The following RANBP2 variants were observed in gnomAD, a reference collection of about 807,000 sequenced individuals.
The protein encoded by RANBP2 is RAN binding protein 2.
RANBP2 carries 57 observed loss-of-function variants against 303.6 expected under a neutral mutation model. The ratio of observed to expected loss-of-function variants is 0.19; its 90% CI spans 0.15 to 0.23. RANBP2 has a LOEUF of 0.23. Among genes scored for constraint, RANBP2 ranks in the 10% least tolerant of loss-of-function variants. RANBP2 has a pLI of 1.00. For synonymous variants in RANBP2, 1,167 were observed against 1,301.5 expected (o/e 0.90, Z 2.23); for missense variants, 3,138 against 3,780.8 (o/e 0.83, Z 4.46).
the RANBP2 span, among the ~76,000 whole-genome samples, chr2:109,126,312 C>T: frequency 6.6e-6 from 1 of 152,330 alleles, no homozygotes; most frequent in East Asian, 1.9e-4. Context: ...GTGGCTCTCT[C>T]TTGCTCTTGT....
chr2:108,791,938 G>A, the RANBP2 span: 1 of 866,946 alleles, frequency 1.2e-6, no homozygotes, highest in Non-Finnish European at 1.7e-6. Context: ...TAAGCTAGGA[G>A]ATAGTTACTG....
intron 23 of RANBP2, among the ~76,000 whole-genome samples, chr2:108,774,851 G>A (rs535293828): frequency 1.8e-4 from 27 of 151,728 alleles, no homozygotes; most frequent in Admixed American, 1.6e-3. Flanking sequence ...GATTATAGGC[G>A]TGGCTAATTT....
the RANBP2 span, among the ~76,000 whole-genome samples, chr2:109,686,180 G>C: frequency 2.1e-3 from 322 of 152,256 alleles, 1 homozygote; most frequent in Middle Eastern, 0.01. Flanking sequence ...GGAGAAAGGT[G>C]GGGAGGGCCC....
At chr2:109,283,862 G>A in the RANBP2 span, among the ~76,000 whole-genome samples, 1 of 152,180 alleles carries the variant, frequency 6.6e-6, no homozygotes, top group South Asian at 2.1e-4. Context: ...GGGGATGCTG[G>A]GGAGTGAGTA....
chr2:108,812,244 A>G, the RANBP2 span, among the ~76,000 whole-genome samples: 2 of 152,148 alleles, frequency 1.3e-5, no homozygotes, highest in African/African-American at 2.4e-5. Context: ...ACACAGACAC[A>G]TATACACATA....
the RANBP2 span, chr2:109,129,663 G>A: frequency 6.6e-7 from 1 of 1,507,796 alleles, no homozygotes; most frequent in African/African-American, 1.4e-5. Context: ...CCGCCGCGGG[G>A]GCGGGCGAGG....
the RANBP2 span, among the ~76,000 whole-genome samples, chr2:108,983,825 G>A: frequency 1.3e-3 from 197 of 152,256 alleles, no homozygotes; most frequent in African/African-American, 4.6e-3. Flanking sequence ...CTCTGAACCC[G>A]TTCTCCAACA....
chr2:109,095,873 G>T, the RANBP2 span, among the ~76,000 whole-genome samples: 54 of 152,296 alleles, frequency 3.5e-4, no homozygotes, highest in East Asian at 7.7e-4. Context: ...ATATTTTTAT[G>T]TAATATTAAA....
intron 9 of RANBP2, among the ~76,000 whole-genome samples, chr2:108,750,934 G>A (rs1009785163): frequency 3.3e-5 from 5 of 152,096 alleles, no homozygotes; most frequent in South Asian, 4.1e-4. Context: ...AAAACCCATC[G>A]TTTTGGGGTT....
the RANBP2 span, among the ~76,000 whole-genome samples, chr2:109,436,289 G>C: frequency 4.6e-5 from 7 of 152,206 alleles, no homozygotes; most frequent in African/African-American, 1.7e-4. Flanking sequence ...AATACACAGA[G>C]GGAAAGCGTG....
rs780491523 is a variant in RANBP2, at chr2:108,767,289, T to C, written c.6750T>C (p.Ser2250=). The C allele has an allele frequency of 1.2e-6, 2 of 1,612,066 alleles. No homozygotes were observed. Among genetic ancestry groups the C allele is most frequent in the Non-Finnish European group, 8.5e-7 (1 of 1,179,870 alleles). ...CAGTACATGCTTCTCCATTGGCAAG[T>C]AGCCCTGTGAGAAAAAATCTTTTCC... The part of the protein sequence containing the change: ...SSSVHASPLA[S]SPVRKNLFRF... The change falls in exon 20 of 29, where the codon AGT becomes AGC. Residue 2250 remains serine (S), a synonymous_variant. Coordinates refer to ENST00000283195, the MANE Select transcript of RANBP2 (RefSeq NM_006267.5).
At chr2:109,495,477 C>CTTTTTTTTTTTTTTTTT in the RANBP2 span, among the ~76,000 whole-genome samples, 4 of 94,240 alleles carry the variant, frequency 4.2e-5, 1 homozygote, top group African/African-American at 1.8e-4. Context: ...TCTTTCATTC[C>CTTTTTTTTTTTTTTTTT]TTTTTTTTTT....
chr2:109,409,743 G>A, the RANBP2 span, among the ~76,000 whole-genome samples: 1,247 of 150,862 alleles, frequency 8.3e-3, 26 homozygotes, highest in African/African-American at 0.028. Flanking sequence ...TACACAAGCT[G>A]CTTGCTCCTC....
chr2:108,864,793 CAA>C, the RANBP2 span, among the ~76,000 whole-genome samples: 15 of 125,022 alleles, frequency 1.2e-4, no homozygotes, highest in East Asian at 4.6e-4. Flanking sequence ...GACTCCATCT[CAA>C]AAAAAAAAAA....
the RANBP2 span, chr2:109,574,864 T>C: frequency 2.6e-6 from 2 of 777,076 alleles, no homozygotes; most frequent in Admixed American, 3.5e-5. Flanking sequence ...TTTCACTAAT[T>C]AATAAACAGT....
chr2:108,815,461 G>GTTTTTT, the RANBP2 span, among the ~76,000 whole-genome samples: 141 of 70,694 alleles, frequency 2.0e-3, 2 homozygotes, highest in Middle Eastern at 0.021. Flanking sequence ...GGTTTTTGGT[G>GTTTTTT]TTTTTTTTTT....
At chr2:109,525,776 C>T in the RANBP2 span, among the ~76,000 whole-genome samples, 17 of 152,178 alleles carry the variant, frequency 1.1e-4, no homozygotes, top group African/African-American at 3.4e-4. Flanking sequence ...ATCATTGATG[C>T]GTTTCCTACT....
the RANBP2 span, among the ~76,000 whole-genome samples, chr2:109,273,604 G>T: frequency 2.6e-5 from 4 of 152,168 alleles, no homozygotes; most frequent in African/African-American, 9.7e-5. Context: ...GGTGGGACAG[G>T]CTTAGAGTCC....
chr2:109,356,615 G>A, the RANBP2 span, among the ~76,000 whole-genome samples: 1 of 152,164 alleles, frequency 6.6e-6, no homozygotes, highest in South Asian at 2.1e-4. Flanking sequence ...CCAGGGCTTG[G>A]CACTTAGGAG....
Sources: allele counts gnomAD v4.1 joint callset (sites outside exome capture counted in the v4.1 genomes callset), GRCh38; gene constraint gnomAD v4.1.1; transcripts MANE v1.5; gene names NCBI Gene and HGNC (gene_info 2026-07-23, HGNC 2026-07-21).